The following ZBTB7C variants were observed in gnomAD, a reference collection of about 807,000 sequenced individuals.
ZBTB7C encodes the protein zinc finger and BTB domain-containing protein 7C.
ZBTB7C carries 8 observed loss-of-function variants against 25.7 expected under a neutral mutation model. The ratio of observed to expected loss-of-function variants is 0.31; its 90% confidence interval spans 0.18 to 0.56. The LOEUF (loss-of-function observed/expected upper bound fraction) is 0.56. Among genes scored for constraint, ZBTB7C ranks in the 20% least tolerant of loss-of-function variants. ZBTB7C has a pLI of 0.91. For missense variants in ZBTB7C, 824 were observed against 855.2 expected (o/e 0.96, Z 0.46); for synonymous variants, 394 against 369.0 (o/e 1.07, Z -0.78).
chr18:48,117,133 C>T (rs921866966), intron 3 of ZBTB7C, among the ~76,000 whole-genome samples: 2 of 152,184 alleles, frequency 1.3e-5, no homozygotes, highest in Non-Finnish European at 2.9e-5. Context: ...AGAAACCACA[C>T]ATATTTTCAA....
At chr18:48,352,759 C>A (rs1288657046) in intron 1 of ZBTB7C, among the ~76,000 whole-genome samples, 1 of 152,082 alleles carries the variant, frequency 6.6e-6, no homozygotes, top group Non-Finnish European at 1.5e-5. Context: ...AAGTTCAGGA[C>A]AGAAGAGATG....
At chr18:48,236,427 G>A (rs2145372175) in intron 2 of ZBTB7C, among the ~76,000 whole-genome samples, 2 of 152,304 alleles carry the variant, frequency 1.3e-5, no homozygotes, top group South Asian at 4.1e-4. Context: ...ATGAACCCTA[G>A]GGAAACGGAT....
At chr18:48,062,478 A>C (rs949634392) in intron 3 of ZBTB7C, among the ~76,000 whole-genome samples, 14 of 152,222 alleles carry the variant, frequency 9.2e-5, no homozygotes, top group Admixed American at 7.9e-4. Flanking sequence ...AGCTGCTTTA[A>C]TTTCATGCAT....
chr18:48,160,981 G>A (rs187819523), intron 3 of ZBTB7C, among the ~76,000 whole-genome samples: 2 of 148,670 alleles, frequency 1.3e-5, no homozygotes, highest in Admixed American at 6.7e-5. Flanking sequence ...GTGGGGGGTC[G>A]TCTTTGATTG....
chr18:48,040,717 C>G lies in ZBTB7C; in HGVS notation c.391G>C (p.Gly131Arg), dbSNP rs758879850. 174 of 1,613,938 alleles carry G rather than the reference C, an allele frequency of 1.1e-4. No homozygotes were observed. The highest frequency in any genetic ancestry group is 1.5e-4 in the Non-Finnish European group (173 of 1,180,006). ...TTGTCATCCTCCTCCCCCCCGTCCC[C>G]CCCAGGCTCCATGATCTCCAGGCAC... Reference protein sequence around the residue: ...NVCLEIMEPGGDGGEEDDKED... With the variant: ...NVCLEIMEPGRDGGEEDDKED... The change falls in exon 4 of 5, where the codon GGG becomes CGG. Residue 131 changes from glycine (G) to arginine (R), a missense_variant. Coordinates refer to ENST00000590800, the MANE Select transcript of ZBTB7C (RefSeq NM_001318841.2).
chr18:48,173,120 T>C (rs2041548028), intron 3 of ZBTB7C, among the ~76,000 whole-genome samples: 1 of 152,224 alleles, frequency 6.6e-6, no homozygotes, highest in African/African-American at 2.4e-5. Context: ...ACAGTTAGTT[T>C]ACTTCAGGTT....
chr18:48,144,345 CTTTAT>C (rs1480161749), intron 3 of ZBTB7C, among the ~76,000 whole-genome samples: 1 of 151,776 alleles, frequency 6.6e-6, no homozygotes, highest in African/African-American at 2.4e-5. Flanking sequence ...AAAACATTTC[CTTTAT>C]TTTATTTTTT....
At chr18:48,086,066 A>T (rs1315973638) in intron 3 of ZBTB7C, among the ~76,000 whole-genome samples, 1 of 152,154 alleles carries the variant, frequency 6.6e-6, no homozygotes. Flanking sequence ...CTCTTGTTCA[A>T]TCACCTTTGA....
intron 1 of ZBTB7C, among the ~76,000 whole-genome samples, chr18:48,376,259 C>G (rs2145187871): frequency 6.6e-6 from 1 of 152,328 alleles, no homozygotes; most frequent in African/African-American, 2.4e-5. Flanking sequence ...AATATCTTAA[C>G]CTAACACAAT....
intron 3 of ZBTB7C, among the ~76,000 whole-genome samples, chr18:48,067,631 C>T (rs1050973101): frequency 6.6e-5 from 10 of 152,170 alleles, no homozygotes; most frequent in African/African-American, 1.2e-4. Context: ...CCAACTCTCC[C>T]GTGGGTCTCC....
At chr18:48,346,215 C>T (rs1377707809) in intron 1 of ZBTB7C, among the ~76,000 whole-genome samples, 1 of 152,352 alleles carries the variant, frequency 6.6e-6, no homozygotes, top group East Asian at 1.9e-4. Context: ...GCCCCAGCTT[C>T]ACCCCACAAA....
At position 48,049,298 on chromosome 18, in the gene ZBTB7C, T is replaced by A. The variant is rs562192354; in HGVS notation, c.-16-8175A>T. On this transcript the variant is annotated intron_variant, in intron 3 of 4. Transcript: ENST00000590800. ...TACTTCTGCTGCCTCAGTTTCCTTATCTAGGAAATGGGGAAGTAATTGCAT... is the reference window on the plus strand; with the variant it reads ...TACTTCTGCTGCCTCAGTTTCCTTAACTAGGAAATGGGGAAGTAATTGCAT... 7.2e-5 allele frequency among the ~76,000 whole-genome samples: 11 copies of A among 152,258 alleles called. No homozygotes were observed. In the East Asian group the frequency reaches 1.7e-3, roughly 24 times the overall value.
In ZBTB7C at chr18:48,029,741, G is replaced by C. The variant is rs1264003616; in HGVS notation, c.1379C>G (p.Ser460Cys). Residue 460 changes from serine (S) to cysteine (C), a missense_variant, in exon 5 of 5, where the codon TCT becomes TGT. Ser to Cys is a moderately radical substitution (Grantham distance 112). Transcript: ENST00000590800. ...CEFCYKSFTR[S>C]DHLHRHIKRQ... ...CTTGATGTGGCGGTGCAGGTGGTCA[G>C]AGCGCGTGAAGCTCTTGTAGCAGAA... The C allele has an allele frequency of 1.2e-6, 2 of 1,606,964 alleles. No homozygotes were observed. The highest frequency in any genetic ancestry group is 8.5e-7 in the Non-Finnish European group (1 of 1,179,594).
At chr18:48,219,933 G>A (rs889726680) in intron 2 of ZBTB7C, among the ~76,000 whole-genome samples, 5 of 152,166 alleles carry the variant, frequency 3.3e-5, no homozygotes, top group Non-Finnish European at 1.5e-5. Flanking sequence ...GGATAAAGAG[G>A]AGGCCCCCAT....
chr18:48,039,475 C>T (rs984625011), intron 4 of ZBTB7C, among the ~76,000 whole-genome samples: 1 of 152,210 alleles, frequency 6.6e-6, no homozygotes, highest in Admixed American at 6.5e-5. Flanking sequence ...CCCTGGCATG[C>T]AGAATATGCT....
At position 48,259,680 on chromosome 18, in the gene ZBTB7C, A is replaced by G. The variant is rs539150723; in HGVS notation, c.-78-73685T>C. 2.6e-5 allele frequency among the ~76,000 whole-genome samples: 4 copies of G among 152,344 alleles called. No individual in the cohort carries two copies. The South Asian group carries it at 8.3e-4, about 32-fold the overall frequency. On this transcript the variant is annotated intron_variant, in intron 2 of 4. Transcript: ENST00000590800. ...CCAAAGCTCAACAATAAGAAATCAA[A>G]CAACTGTCCCTCAAATGGGCAAAAT...
chr18:48,137,525 T>C (rs911193509), intron 3 of ZBTB7C, among the ~76,000 whole-genome samples: 1 of 152,256 alleles, frequency 6.6e-6, no homozygotes, highest in Non-Finnish European at 1.5e-5. Context: ...TCTGTCTTTT[T>C]AGAGGCAATT....
At chr18:48,115,434 T>C (rs561956250) in intron 3 of ZBTB7C, among the ~76,000 whole-genome samples, 10 of 152,122 alleles carry the variant, frequency 6.6e-5, no homozygotes, top group African/African-American at 2.4e-4. Context: ...GTATTTTTAG[T>C]AGAGACGGGG....
chr18:48,225,030 T>A (rs1187590550), intron 2 of ZBTB7C, among the ~76,000 whole-genome samples: 1 of 152,246 alleles, frequency 6.6e-6, no homozygotes, highest in Admixed American at 6.5e-5. Flanking sequence ...ACTCTCTTTG[T>A]AATATTTCTG....
Sources: gnomAD v4.1 joint callset for allele counts (sites outside exome capture counted in the v4.1 genomes callset) on GRCh38, gnomAD v4.1.1 for gene constraint, MANE v1.5 for transcripts, NCBI Gene and HGNC (gene_info 2026-07-23, HGNC 2026-07-21) for gene names.